The following KAT6A variants were observed in gnomAD, a reference collection of about 807,000 sequenced individuals.
KAT6A encodes histone acetyltransferase KAT6A.
In KAT6A, 9 loss-of-function variants were observed where a neutral mutation model predicts 198.4. The ratio of observed to expected loss-of-function variants is 0.05; its 90% CI spans 0.03 to 0.08. The LOEUF is 0.08. Ranked by LOEUF, KAT6A falls within the 10% of genes least tolerant of loss-of-function variation. The pLI is 1.00. For synonymous variants in KAT6A, 890 were observed against 883.0 expected, an observed-to-expected ratio of 1.01 and a Z score of -0.14; for missense variants, 2,077 against 2,509.9, an observed-to-expected ratio of 0.83 and a Z score of 3.69.
intron 2 of KAT6A, among the ~76,000 whole-genome samples, chr8:42,014,513 C>A (rs1826174558): frequency 6.6e-6 from 1 of 152,186 alleles, no homozygotes; most frequent in East Asian, 1.9e-4. Context: ...AACACACACG[C>A]AGAAATGCCT....
rs528845842 is a variant in KAT6A, at chr8:42,024,586, C to T, written c.600+23792G>A. Among the ~76,000 whole-genome samples, 8 of 152,176 alleles carry T rather than the reference C, an allele frequency of 5.3e-5. No individual in the cohort carries two copies. In the East Asian group the frequency reaches 1.5e-3, roughly 29 times the overall value. On this transcript the variant is annotated intron_variant, in intron 2 of 16. Transcript: ENST00000265713. ...CCCATTAACCTCTCTTCATCCACCC[C>T]ACCCCTCGCCCATCTCAGACTTTGG...
At chr8:42,035,346 T>G (rs916487690) in intron 2 of KAT6A, among the ~76,000 whole-genome samples, 1 of 152,130 alleles carries the variant, frequency 6.6e-6, no homozygotes, top group Non-Finnish European at 1.5e-5. Flanking sequence ...CTGAAGAGAC[T>G]GACATAAAAT....
chr8:41,965,840 T>G (rs1185605055), intron 8 of KAT6A, among the ~76,000 whole-genome samples: 2 of 152,188 alleles, frequency 1.3e-5, no homozygotes, highest in African/African-American at 2.4e-5. Context: ...ATCTTTTTGC[T>G]GTTAAGTGAT....
chr8:41,930,899 T>TC lies in KAT6A; in HGVS notation c.*1305dup, dbSNP rs1251403876. ...CCCTACTGTGCTGGTGGTCGGTCTG[T>TC]CCCTCTTCTCATTAGCCACTCACAG... On this transcript the variant is annotated 3_prime_UTR_variant, in exon 17 of 17. Transcript: ENST00000265713. 4.7e-6 allele frequency: 1 copy of TC among 213,520 alleles called. No homozygotes were observed. Among genetic ancestry groups the TC allele is most frequent in the Non-Finnish European group, 9.5e-6 (1 of 105,556 alleles). 13.2% of individuals were successfully genotyped at this position (213,520 alleles called of 1,614,324 possible). A position where few individuals can be genotyped will look rare whatever the true frequency, so the allele number is the denominator to read the frequency against.
intron 2 of KAT6A, among the ~76,000 whole-genome samples, chr8:42,038,010 A>T (rs1827463259): frequency 6.6e-6 from 1 of 152,230 alleles, no homozygotes; most frequent in Non-Finnish European, 1.5e-5. Flanking sequence ...TAGAAGTGCT[A>T]GACTATACAC....
chr8:41,936,530 A>G (rs1821863935), intron 16 of KAT6A, among the ~76,000 whole-genome samples: 1 of 152,246 alleles, frequency 6.6e-6, no homozygotes, highest in Non-Finnish European at 1.5e-5. Context: ...GACACTGGCA[A>G]AACTTTAGGC....
At chr8:41,949,154 A>G (rs1822544299) in intron 10 of KAT6A, 68 bp downstream of exon 10, 1 of 1,026,192 alleles carries the variant, frequency 9.7e-7, no homozygotes, top group Admixed American at 3.8e-5. Context: ...AAGTTGCACA[A>G]TAGATGCAAT....
Position 41,934,029 on chromosome 8 carries a change from T to C in KAT6A, c.4191A>G (p.Glu1397=), listed in dbSNP as rs772818512. ...ACTCTTCCTTAGTGTGGGAGTCTTCTTCGTGGTCGTCCTCAGACCCAGCCA... is the reference window on the plus strand; with the variant it reads ...ACTCTTCCTTAGTGTGGGAGTCTTCCTCGTGGTCGTCCTCAGACCCAGCCA... The part of the protein sequence containing the change: ...EQMAGSEDDH[E]EDSHTKEELI... Residue 1397 remains glutamate (E), a synonymous_variant, in exon 17 of 17, where the codon GAA becomes GAG. Coordinates refer to ENST00000265713, the MANE Select transcript of KAT6A (RefSeq NM_006766.5). 2 of 1,614,052 alleles carry C rather than the reference T, an allele frequency of 1.2e-6. No homozygotes were observed. Among genetic ancestry groups the C allele is most frequent in the African/African-American group, 1.3e-5 (1 of 74,934 alleles).
intron 3 of KAT6A, among the ~76,000 whole-genome samples, chr8:41,986,661 T>C (rs755954865): frequency 3.9e-5 from 6 of 152,146 alleles, no homozygotes; most frequent in Non-Finnish European, 7.3e-5. Context: ...CCCTCCCTAG[T>C]ACAGAAGCTC....
chr8:42,037,431 T>C (rs1197335381), intron 2 of KAT6A, among the ~76,000 whole-genome samples: 1 of 152,174 alleles, frequency 6.6e-6, no homozygotes, highest in Non-Finnish European at 1.5e-5. Flanking sequence ...AGAGTTCTGT[T>C]AAAGGTTCTA....
chr8:41,977,358 AT>A (rs1272700984), intron 6 of KAT6A, 31 bp from the exon 7 acceptor site: 13 of 1,504,002 alleles, frequency 8.6e-6, no homozygotes, highest in Non-Finnish European at 1.2e-5. Context: ...AAGGGTAAGT[AT>A]TAAAAAAGAT....
intron 8 of KAT6A, chr8:41,957,129 T>C (rs1385968338): frequency 1.7e-6 from 1 of 602,930 alleles, no homozygotes; most frequent in Non-Finnish European, 3.3e-6. Flanking sequence ...GATGTGAAAG[T>C]GGATATCCAG....
At chr8:41,946,484 ATAT>A in intron 12 of KAT6A, 104 bp downstream of exon 12, 1 of 378,784 alleles carries the variant, frequency 2.6e-6, no homozygotes, top group East Asian at 3.7e-5. Context: ...ATCTTTAAAT[ATAT>A]ATATATACAC....
chr8:41,988,044 T>G (rs991291191), intron 2 of KAT6A, among the ~76,000 whole-genome samples: 2 of 152,180 alleles, frequency 1.3e-5, no homozygotes. Flanking sequence ...CCAACTGTGG[T>G]GTGGAGGAAG....
chr8:41,970,089 T>C (rs1823709424), intron 8 of KAT6A, among the ~76,000 whole-genome samples: 1 of 143,722 alleles, frequency 7.0e-6, no homozygotes, highest in Non-Finnish European at 1.6e-5. Context: ...TTTATTTTTA[T>C]GAGTGTTTAT....
chr8:42,009,524 T>C (rs1451286286), intron 2 of KAT6A, among the ~76,000 whole-genome samples: 1 of 151,830 alleles, frequency 6.6e-6, no homozygotes, highest in Non-Finnish European at 1.5e-5. Context: ...AGACGACTAA[T>C]GGGTGCATGT....
At chr8:41,998,708 G>A (rs1326598837) in intron 2 of KAT6A, among the ~76,000 whole-genome samples, 1 of 151,906 alleles carries the variant, frequency 6.6e-6, no homozygotes, top group Non-Finnish European at 1.5e-5. Flanking sequence ...ATATCTTCAA[G>A]GAAACTATAT....
chr8:42,028,015 T>C (rs944941782), intron 2 of KAT6A, among the ~76,000 whole-genome samples: 29 of 152,192 alleles, frequency 1.9e-4, no homozygotes, highest in African/African-American at 6.8e-4. Context: ...CCAGTGATTG[T>C]TCGGGAGCAT....
intron 2 of KAT6A, among the ~76,000 whole-genome samples, chr8:42,044,877 T>C (rs1314362231): frequency 1.3e-5 from 2 of 152,240 alleles, no homozygotes; most frequent in Admixed American, 1.3e-4. Flanking sequence ...AAATAAACTC[T>C]GGATAATTCT....
Sources: gnomAD v4.1 joint callset for allele counts (sites outside exome capture counted in the v4.1 genomes callset) on GRCh38, gnomAD v4.1.1 for gene constraint, MANE v1.5 for transcripts, NCBI Gene and HGNC (gene_info 2026-07-23, HGNC 2026-07-21) for gene names.